SUMF1: variants seen among roughly 807,000 people sequenced by gnomAD.
SUMF1 encodes the protein formylglycine-generating enzyme.
In SUMF1, 48 loss-of-function variants were observed where a neutral mutation model predicts 47.6. The ratio of observed to expected loss-of-function variants is 1.01; its 90% CI spans 0.80 to 1.28. SUMF1 has a LOEUF of 1.28. Ranked by LOEUF, SUMF1 falls within the 50% of genes most tolerant of loss-of-function variation. The probability of loss-of-function intolerance (pLI) is 0.00; values close to 1 mark genes in which losing one functional copy is unlikely to be tolerated. For missense variants in SUMF1, 571 were observed against 485.4 expected, an observed-to-expected ratio of 1.18 and a Z score of -1.66; for synonymous variants, 230 against 192.1, an observed-to-expected ratio of 1.20 and a Z score of -1.63.
At chr3:4,291,014 A>G (rs1167170170) in intron 8 of SUMF1, among the ~76,000 whole-genome samples, 1 of 152,186 alleles carries the variant, frequency 6.6e-6, no homozygotes, top group Admixed American at 6.6e-5. Context: ...ATATGTAGTG[A>G]GGAGAGGTAG....
intron 8 of SUMF1, among the ~76,000 whole-genome samples, chr3:4,132,670 C>T (rs1462433066): frequency 6.6e-6 from 1 of 151,960 alleles, no homozygotes; most frequent in South Asian, 2.1e-4. Flanking sequence ...CCAGGAGACA[C>T]GATTCCATTA....
intron 8 of SUMF1, among the ~76,000 whole-genome samples, chr3:4,296,306 T>TAAAAAAA (rs10662776): frequency 7.0e-6 from 1 of 143,572 alleles, no homozygotes; most frequent in African/African-American, 2.5e-5. Context: ...GCAAAATAGT[T>TAAAAAAA]AAAAAAAAAA....
intron 8 of SUMF1, among the ~76,000 whole-genome samples, chr3:4,183,457 T>C (rs1303424534): frequency 1.3e-5 from 2 of 152,210 alleles, no homozygotes; most frequent in African/African-American, 4.8e-5. Flanking sequence ...GAATTTGTAA[T>C]GTAAACAAAT....
chr3:4,116,577 A>G (rs1693428466), intron 8 of SUMF1, among the ~76,000 whole-genome samples: 1 of 152,068 alleles, frequency 6.6e-6, no homozygotes, highest in East Asian at 1.9e-4. Context: ...CAAATTTCTC[A>G]AGGGTCAGCA....
intron 9 of SUMF1, among the ~76,000 whole-genome samples, chr3:4,047,960 T>C (rs1695035013): frequency 6.6e-6 from 1 of 152,126 alleles, no homozygotes; most frequent in Non-Finnish European, 1.5e-5. Context: ...TCCAATATTA[T>C]CCTCATTTTA....
intron 8 of SUMF1, among the ~76,000 whole-genome samples, chr3:4,297,965 T>A (rs756877323): frequency 2.3e-4 from 35 of 152,172 alleles, no homozygotes; most frequent in Non-Finnish European, 3.7e-4. Context: ...AAAGCTCAAA[T>A]AGTCATACCT....
intron 8 of SUMF1, among the ~76,000 whole-genome samples, chr3:4,084,544 C>T (rs750655562): frequency 1.1e-4 from 17 of 151,978 alleles, no homozygotes; most frequent in Non-Finnish European, 2.1e-4. Flanking sequence ...TAGTAAGAAC[C>T]AAAGCATTTC....
downstream of SUMF1, among the ~76,000 whole-genome samples, chr3:4,358,063 G>A (rs1699661624): frequency 1.3e-5 from 2 of 152,100 alleles, no homozygotes; most frequent in Admixed American, 1.3e-4. Context: ...ATTTTAAGCT[G>A]TAGGTTGAAC....
intron 8 of SUMF1, among the ~76,000 whole-genome samples, chr3:4,338,805 C>T (rs1699207518): frequency 6.6e-6 from 1 of 152,006 alleles, no homozygotes; most frequent in Admixed American, 6.6e-5. Flanking sequence ...ACCTAGTACA[C>T]AGAGTCTTTC....
chr3:4,323,473 T>C (rs746981466), intron 8 of SUMF1, among the ~76,000 whole-genome samples: 10 of 152,208 alleles, frequency 6.6e-5, no homozygotes, highest in Non-Finnish European at 1.2e-4. Flanking sequence ...GTTGTGATGG[T>C]TGCACAACTT....
intron 8 of SUMF1, among the ~76,000 whole-genome samples, chr3:4,195,321 G>A (rs1017880137): frequency 1.3e-5 from 2 of 152,064 alleles, no homozygotes; most frequent in African/African-American, 4.8e-5. Flanking sequence ...ATGCATGTGG[G>A]TCATAACCAA....
At chr3:4,259,465 A>G (rs1452577499) in intron 8 of SUMF1, among the ~76,000 whole-genome samples, 1 of 152,136 alleles carries the variant, frequency 6.6e-6, no homozygotes, top group Non-Finnish European at 1.5e-5. Flanking sequence ...GAAAATCTCA[A>G]ATGTGAATTA....
intron 8 of SUMF1, among the ~76,000 whole-genome samples, chr3:4,351,099 A>G (rs991349228): frequency 2.0e-5 from 3 of 152,364 alleles, no homozygotes; most frequent in Admixed American, 6.5e-5. Context: ...CAAAGGTAAA[A>G]GCTCACAGGC....
intron 3 of SUMF1, among the ~76,000 whole-genome samples, chr3:4,433,541 C>T (rs969897869): frequency 6.6e-6 from 1 of 152,218 alleles, no homozygotes; most frequent in African/African-American, 2.4e-5. Context: ...TCAGCCAGCC[C>T]TGGCCTGCCC....
chr3:4,184,184 G>C (rs1445730795), intron 8 of SUMF1, among the ~76,000 whole-genome samples: 1 of 151,584 alleles, frequency 6.6e-6, no homozygotes, highest in Non-Finnish European at 1.5e-5. Flanking sequence ...GCCCAAGTGT[G>C]GTGGCTCATG....
At chr3:4,272,278 C>T (rs75834029) in intron 8 of SUMF1, among the ~76,000 whole-genome samples, 3,067 of 152,302 alleles carry the variant, frequency 0.02, 54 homozygotes, top group Non-Finnish European at 0.031. Flanking sequence ...CTTTCTCTGG[C>T]GGACTGGAGG....
intron 8 of SUMF1, among the ~76,000 whole-genome samples, chr3:4,375,845 A>ACC (rs2124841690): frequency 6.6e-6 from 1 of 152,282 alleles, no homozygotes; most frequent in South Asian, 2.1e-4. Flanking sequence ...AAGAGAAGAA[A>ACC]CACTCTCTGG....
intron 8 of SUMF1, among the ~76,000 whole-genome samples, chr3:4,259,942 A>G (rs1697049413): frequency 6.6e-6 from 1 of 152,088 alleles, no homozygotes; most frequent in Admixed American, 6.5e-5. Flanking sequence ...GAATGCTCAG[A>G]GGAGAAGTTA....
rs149808057 is a variant in SUMF1 at position 4,379,819 on chromosome 3, C to A, written c.955-3430G>T. On this transcript the variant is annotated intron_variant, in intron 7 of 8. Transcript: ENST00000272902. ...ATCGTGCCACCGCACTCCAGCCTGG[C>A]AACAGAGCGAGCCTCCATCTCAAAA... Among the ~76,000 whole-genome samples, 824 of 117,710 alleles carry A rather than the reference C, an allele frequency of 7.0e-3. 2 individuals are homozygous for A. The Middle Eastern group carries it at 0.085, about 12-fold the overall frequency. 77.2% of individuals were successfully genotyped at this position (117,710 alleles called of 152,430 possible). A position where few individuals can be genotyped will look rare whatever the true frequency, so the allele number is the denominator to read the frequency against.
Sources: gnomAD v4.1 joint callset for allele counts (sites outside exome capture counted in the v4.1 genomes callset) on GRCh38, gnomAD v4.1.1 for gene constraint, MANE v1.5 for transcripts, NCBI Gene and HGNC (gene_info 2026-07-23, HGNC 2026-07-21) for gene names.